Variants in KIAA1217 observed in about 807,000 individuals in gnomAD.
The protein encoded by KIAA1217 is sickle tail protein homolog.
KIAA1217 carries 88 observed loss-of-function variants against 163.9 expected under a neutral mutation model. The observed-to-expected ratio is 0.54, with a 90% CI of 0.45 to 0.64. KIAA1217 has a LOEUF of 0.64. Ranked by LOEUF, KIAA1217 falls within the 30% of genes least tolerant of loss-of-function variation. The pLI is 0.00. For missense variants in KIAA1217, 2,372 were observed against 2,475.0 expected (o/e 0.96, Z 0.88); for synonymous variants, 903 against 923.1 (o/e 0.98, Z 0.39).
chr10:24,407,323 T>C (rs2057332026), intron 3 of KIAA1217, among the ~76,000 whole-genome samples: 1 of 152,100 alleles, frequency 6.6e-6, no homozygotes, highest in South Asian at 2.1e-4. Flanking sequence ...TGATGAAGTC[T>C]CACTCTGTTG....
chr10:24,262,780 G>T (rs931575170), intron 2 of KIAA1217, among the ~76,000 whole-genome samples: 2 of 151,756 alleles, frequency 1.3e-5, no homozygotes, highest in African/African-American at 4.8e-5. Context: ...CCTCATCTCT[G>T]CTAAATATAC....
At chr10:24,081,257 C>T (rs938158583) in intron 2 of KIAA1217, among the ~76,000 whole-genome samples, 1 of 152,162 alleles carries the variant, frequency 6.6e-6, no homozygotes, top group Non-Finnish European at 1.5e-5. Context: ...TGCCAGGAAG[C>T]CAAGACTGGT....
Position 23,996,509 on chromosome 10 carries a change from T to TA in KIAA1217, c.-320-10716_-320-10715insA, listed in dbSNP as rs1263413177. ...ACTGTGTATCCAACACCTGTCACAGTGCCTGGTACACCGTAGCCCTACAGT... is the reference window on the plus strand; with the variant it reads ...ACTGTGTATCCAACACCTGTCACAGTAGCCTGGTACACCGTAGCCCTACAGT... On this transcript the variant is annotated intron_variant, in intron 1 of 18. Transcript: ENST00000376462. Among the ~76,000 whole-genome samples the TA allele has an allele frequency of 2.6e-5, 4 of 152,246 alleles. 1 individual carries two copies. The highest frequency in any genetic ancestry group is 2.4e-5 in the African/African-American group (1 of 41,554).
intron 2 of KIAA1217, among the ~76,000 whole-genome samples, chr10:24,238,304 A>G (rs983449778): frequency 3.3e-5 from 5 of 152,120 alleles, no homozygotes; most frequent in African/African-American, 9.7e-5. Context: ...ATAAACTCCT[A>G]TGGGTTTGAA....
chr10:24,373,808 G>A (rs1455202168), intron 2 of KIAA1217, among the ~76,000 whole-genome samples: 2 of 152,240 alleles, frequency 1.3e-5, no homozygotes, highest in Non-Finnish European at 2.9e-5. Context: ...GCTCCACACA[G>A]AGGATGCCTC....
chr10:24,129,656 G>C (rs376191676), intron 2 of KIAA1217, among the ~76,000 whole-genome samples: 20 of 151,896 alleles, frequency 1.3e-4, no homozygotes, highest in African/African-American at 4.8e-4. Flanking sequence ...ATATGACTCT[G>C]TTATCTCTTG....
At chr10:24,535,687 G>T (rs1301855727) in intron 16 of KIAA1217, among the ~76,000 whole-genome samples, 1 of 152,182 alleles carries the variant, frequency 6.6e-6, no homozygotes, top group Non-Finnish European at 1.5e-5. Context: ...TGAGGCAGGA[G>T]AATTGCTTGA....
chr10:23,978,962 T>C (rs1196763955), intron 1 of KIAA1217, among the ~76,000 whole-genome samples: 1 of 152,144 alleles, frequency 6.6e-6, no homozygotes, highest in Non-Finnish European at 1.5e-5. Flanking sequence ...GAATTATTCC[T>C]ACTTGCATGT....
chr10:23,712,692 T>C (rs2130739398), intron 1 of KIAA1217, among the ~76,000 whole-genome samples: 1 of 152,252 alleles, frequency 6.6e-6, no homozygotes, highest in South Asian at 2.1e-4. Context: ...CCTTTGAACC[T>C]GTTTATGGGA....
chr10:24,021,176 A>G (rs1405165845), intron 2 of KIAA1217, among the ~76,000 whole-genome samples: 2 of 151,980 alleles, frequency 1.3e-5, no homozygotes, highest in African/African-American at 2.4e-5. Context: ...ATTTTTAAAT[A>G]ATCAATTATG....
At chr10:24,208,507 C>T (rs1307094256), upstream of KIAA1217, among the ~76,000 whole-genome samples, 3 of 151,910 alleles carry the variant, frequency 2.0e-5, no homozygotes, top group South Asian at 2.1e-4. Context: ...GTGCAAATGA[C>T]GCTATACCTC....
In KIAA1217 at chr10:24,544,064, G is replaced by A. The variant is rs1014878911; in HGVS notation, c.4794G>A (p.Lys1598=). The A allele has an allele frequency of 2.5e-6, 4 of 1,614,028 alleles. No individual in the cohort carries two copies. Among genetic ancestry groups the A allele is most frequent in the Non-Finnish European group, 2.5e-6 (3 of 1,180,036 alleles). The change falls in exon 19 of 21, where the codon AAG becomes AAA. Residue 1598 remains lysine, a synonymous_variant. Coordinates refer to ENST00000376454, the MANE Select transcript of KIAA1217 (RefSeq NM_019590.5). ...AIRTGTKTGK[K]TLQVVVYEEE... is the part of the protein sequence containing the mutation. ...GCACCGGAACTAAAACAGGGAAGAA[G>A]ACTTTGCAAGTGGTAGTCTATGAAG...
chr10:23,918,765 C>CACACAT (rs1554823730), intron 1 of KIAA1217, among the ~76,000 whole-genome samples: 1 of 150,176 alleles, frequency 6.7e-6, no homozygotes, highest in Non-Finnish European at 1.5e-5. Context: ...CACACACACA[C>CACACAT]ATATATAGTA....
intron 5 of KIAA1217, among the ~76,000 whole-genome samples, chr10:24,446,811 G>A (rs1490968277): frequency 1.3e-5 from 2 of 152,192 alleles, no homozygotes; most frequent in South Asian, 2.1e-4. Flanking sequence ...AGAAGTGGAA[G>A]CTGAGGCTTA....
intron 1 of KIAA1217, among the ~76,000 whole-genome samples, chr10:23,889,144 A>G (rs973523217): frequency 1.3e-5 from 2 of 151,892 alleles, no homozygotes; most frequent in Admixed American, 6.6e-5. Flanking sequence ...TTTTCAGCAT[A>G]CATTTTGGTG....
intron 2 of KIAA1217, among the ~76,000 whole-genome samples, chr10:24,050,018 T>C (rs1215105133): frequency 3.9e-5 from 6 of 152,224 alleles, no homozygotes; most frequent in Non-Finnish European, 7.3e-5. Context: ...CATGAGATGG[T>C]ATCTCATTGT....
chr10:24,116,287 G>C (rs1434791324), intron 2 of KIAA1217, among the ~76,000 whole-genome samples: 1 of 151,926 alleles, frequency 6.6e-6, no homozygotes, highest in Non-Finnish European at 1.5e-5. Flanking sequence ...AGAAAAAAAA[G>C]GCCAAAATAT....
At chr10:24,029,031 GC>G (rs377518020) in intron 2 of KIAA1217, among the ~76,000 whole-genome samples, 28 of 152,276 alleles carry the variant, frequency 1.8e-4, no homozygotes, top group African/African-American at 6.5e-4. Context: ...AATACAGGGA[GC>G]CAAGGGCTGT....
chr10:23,996,267 A>C (rs1329482360), intron 1 of KIAA1217, among the ~76,000 whole-genome samples: 1 of 152,188 alleles, frequency 6.6e-6, no homozygotes, highest in African/African-American at 2.4e-5. Flanking sequence ...GGAACCATGA[A>C]AATCAAGTTA....
Sources: gnomAD v4.1 joint callset for allele counts (sites outside exome capture counted in the v4.1 genomes callset) on GRCh38, gnomAD v4.1.1 for gene constraint, MANE v1.5 for transcripts, NCBI Gene and HGNC (gene_info 2026-07-23, HGNC 2026-07-21) for gene names.